ITGA6: variants seen among roughly 807,000 people sequenced by gnomAD.
The protein encoded by ITGA6 is integrin alpha-6.
ITGA6 carries 63 observed loss-of-function variants against 133.6 expected under a neutral mutation model. The ratio of observed to expected loss-of-function variants is 0.47; its 90% CI spans 0.38 to 0.58. ITGA6 has a LOEUF of 0.58. ITGA6 is among the 20% of genes least tolerant of loss of function. The probability of loss-of-function intolerance (pLI) is 0.00; values close to 1 mark genes in which losing one functional copy is unlikely to be tolerated. For synonymous variants in ITGA6, 434 were observed against 482.0 expected, an observed-to-expected ratio of 0.90 and a Z score of 1.30; for missense variants, 1,068 against 1,309.4, an observed-to-expected ratio of 0.82 and a Z score of 2.85.
intron 1 of ITGA6, among the ~76,000 whole-genome samples, chr2:172,433,771 C>T (rs1684205076): frequency 6.6e-6 from 1 of 152,128 alleles, no homozygotes; most frequent in Admixed American, 6.5e-5. Context: ...TTCCACTCTC[C>T]AGTTGAAAAG....
At chr2:172,430,150 A>G (rs1037871832) in intron 1 of ITGA6, among the ~76,000 whole-genome samples, 3 of 152,200 alleles carry the variant, frequency 2.0e-5, no homozygotes, top group African/African-American at 7.2e-5. Context: ...TTTATCTGTA[A>G]AATGGAGATA....
In ITGA6 at chr2:172,491,321, C is replaced by T. The variant is rs1197153183; in HGVS notation, c.2879C>T (p.Thr960Ile). Residue 960 changes from threonine to isoleucine, a missense_variant, in exon 22 of 26, where the codon ACA becomes ATA. This residue lies in a region of ITGA6 where 609 missense variants were observed against 707.2 expected (regional missense o/e 0.86). Coordinates refer to ENST00000684293, the MANE Select transcript of ITGA6 (RefSeq NM_000210.4). This position sits in a 1 kb window ranked among gnomAD's most constrained non-coding sequence, Gnocchi z 4.4. Reference protein sequence around the residue: ...LILRSRLWNSTFLEEYSKLNY... With the variant: ...LILRSRLWNSIFLEEYSKLNY... Reference sequence around the variant, plus strand: ...TTGCGCTCGAGGTTATGGAACAGCACATTTCTAGAGGTATGACCTTGGCTT... The same window carrying T: ...TTGCGCTCGAGGTTATGGAACAGCATATTTCTAGAGGTATGACCTTGGCTT... 4 of 1,606,052 alleles carry T rather than the reference C, an allele frequency of 2.5e-6. No individual in the cohort carries two copies. Among genetic ancestry groups the T allele is most frequent in the Non-Finnish European group, 8.5e-7 (1 of 1,172,700 alleles).
At chr2:172,452,638 C>G (rs1464275820) in intron 1 of ITGA6, among the ~76,000 whole-genome samples, 1 of 152,146 alleles carries the variant, frequency 6.6e-6, no homozygotes, top group Non-Finnish European at 1.5e-5. Context: ...TACCAACATT[C>G]AAAATTGCTA....
intron 1 of ITGA6, among the ~76,000 whole-genome samples, chr2:172,444,623 A>G (rs1417628550): frequency 8.1e-6 from 1 of 124,100 alleles, no homozygotes; most frequent in Non-Finnish European, 1.6e-5. Context: ...CCAAAAACCC[A>G]AAACACTTGT....
chr2:172,469,104 C>T lies in ITGA6; in HGVS notation c.388-21C>T, dbSNP rs753845762. The T allele has an allele frequency of 2.5e-6, 4 of 1,613,952 alleles. No individual in the cohort carries two copies. The East Asian group carries it at 8.9e-5, about 36-fold the overall frequency. On this transcript the variant is annotated intron_variant, in intron 3 of 25. Coordinates refer to ENST00000684293, the MANE Select transcript of ITGA6 (RefSeq NM_000210.4). ...AAGGTTTATAGACAAGAATGGGCTACTTTCTTCCATCTGCTTGCAGACATG... is the reference window on the plus strand; with the variant it reads ...AAGGTTTATAGACAAGAATGGGCTATTTTCTTCCATCTGCTTGCAGACATG...
intron 20 of ITGA6, chr2:172,490,822 C>T (rs1268362374): frequency 1.9e-6 from 1 of 531,618 alleles, no homozygotes; most frequent in Non-Finnish European, 3.4e-6. Context: ...TTACTTAGTC[C>T]TATGAGTAAA....
chr2:172,498,340 C>T (rs1334335216), intron 24 of ITGA6, among the ~76,000 whole-genome samples: 1 of 152,210 alleles, frequency 6.6e-6, no homozygotes, highest in Non-Finnish European at 1.5e-5. Context: ...GTCTCTCACA[C>T]ATAATTTAGC....
chr2:172,474,796 T>A (rs1686094397), intron 6 of ITGA6, 133 bp from the exon 7 acceptor site: 1 of 702,532 alleles, frequency 1.4e-6, no homozygotes, highest in South Asian at 1.5e-5. Context: ...TTTTAAAAAA[T>A]GTTATAATTG....
In ITGA6 at chr2:172,469,329, A is replaced by G. The variant is rs781049823; in HGVS notation, c.592A>G (p.Lys198Glu). Residue 198 changes from lysine (K) to glutamate (E), a missense_variant, in exon 4 of 26, where the codon AAA becomes GAA. Transcript: ENST00000684293. ...CQQGVAATFT[K>E]DFHYIVFGAP... ...GCAAGGTGTAGCAGCTACTTTTACT[A>G]AAGACTTTCATTACATTGTATTTGG... 1.9e-6 allele frequency: 3 copies of G among 1,614,072 alleles called. No homozygotes were observed. Among genetic ancestry groups the G allele is most frequent in the Non-Finnish European group, 2.5e-6 (3 of 1,179,948 alleles).
intron 1 of ITGA6, among the ~76,000 whole-genome samples, chr2:172,439,047 G>A (rs1684436422): frequency 6.6e-6 from 1 of 151,918 alleles, no homozygotes; most frequent in Non-Finnish European, 1.5e-5. Flanking sequence ...TGTGGAGAGA[G>A]CTCTTCCCAT....
At chr2:172,476,600 C>A (rs918267608) in intron 9 of ITGA6, 87 bp downstream of exon 9, 5 of 815,040 alleles carry the variant, frequency 6.1e-6, no homozygotes, top group Non-Finnish European at 1.1e-5. Flanking sequence ...ATTTGTCATA[C>A]CTATACTTCA....
chr2:172,473,022 C>T (rs1037455285), intron 5 of ITGA6: 7 of 629,376 alleles, frequency 1.1e-5, no homozygotes, highest in South Asian at 5.6e-5. Context: ...AAAAGCATGC[C>T]ATGGCTGGGG....
chr2:172,475,643 C>T lies in ITGA6; in HGVS notation c.1227C>T (p.Ile409=). The T allele has an allele frequency of 6.2e-7, 1 of 1,608,100 alleles. No individual in the cohort carries two copies. ...APYDDLGKVF[I]YHGSANGINT... Reference sequence around the variant, plus strand: ...ATGATGACTTGGGAAAGGTTTTTATCTATCATGGATCTGCAAATGGAATAA... The same window carrying T: ...ATGATGACTTGGGAAAGGTTTTTATTTATCATGGATCTGCAAATGGAATAA... Residue 409 remains isoleucine (I), a synonymous_variant, in exon 8 of 26, where the codon ATC becomes ATT. Coordinates refer to ENST00000684293, the MANE Select transcript of ITGA6 (RefSeq NM_000210.4).
chr2:172,495,875 G>C (rs550709653), intron 23 of ITGA6, among the ~76,000 whole-genome samples: 3 of 149,144 alleles, frequency 2.0e-5, no homozygotes, highest in Non-Finnish European at 4.5e-5. Flanking sequence ...ACTGTCAGCT[G>C]TTTTAAAGAC....
At chr2:172,490,819 G>A (rs968734231) in intron 20 of ITGA6, 3 of 524,342 alleles carry the variant, frequency 5.7e-6, no homozygotes, top group African/African-American at 3.8e-5. Flanking sequence ...GAATTACTTA[G>A]TCCTATGAGT....
Position 172,490,000 on chromosome 2 carries a change from G to A in ITGA6, c.2679+342G>A, listed in dbSNP as rs756754531. ...TGCTGTTATCCAGGGGCCAGCCAGT[G>A]TTCACTCCAAGTAGAACCAAACTCA... On this transcript the variant is annotated intron_variant, in intron 20 of 25. Transcript: ENST00000684293. 3.2e-4 allele frequency: 83 copies of A among 261,932 alleles called. 1 individual carries two copies. Among genetic ancestry groups the A allele is most frequent in the Non-Finnish European group, 5.7e-4 (77 of 134,716 alleles). The allele number at this position is 261,932 out of a possible 1,614,324, so 16.2% of individuals were successfully genotyped here.
intron 1 of ITGA6, among the ~76,000 whole-genome samples, chr2:172,448,854 G>A (rs1684873068): frequency 6.6e-6 from 1 of 152,158 alleles, no homozygotes; most frequent in Admixed American, 6.5e-5. Context: ...AAAAAAGCAG[G>A]ATCTGCTTCC....
Position 172,451,874 on chromosome 2 carries a change from G to A in ITGA6, c.183-13665G>A, listed in dbSNP as rs181587094. ...AGCTCCTGCAAACTCCTAATAATCCGAGGGACAGAGGGGAGTGGTGGTGTA... is the reference window on the plus strand; with the variant it reads ...AGCTCCTGCAAACTCCTAATAATCCAAGGGACAGAGGGGAGTGGTGGTGTA... On this transcript the variant is annotated intron_variant, in intron 1 of 25. Transcript: ENST00000684293. Among the ~76,000 whole-genome samples the A allele has an allele frequency of 1.3e-3, 199 of 152,116 alleles. 1 individual carries two copies. Among genetic ancestry groups the A allele is most frequent in the African/African-American group, 4.4e-3 (183 of 41,482 alleles).
rs760784399 is a variant in ITGA6, at chr2:172,474,998, T to C, written c.1056T>C (p.Tyr352=). ...ATGGAGAAGTTGGAGGTGCAGTGTA[T>C]GTCTACATGAACCAGCAAGGCAGAT... is the stretch of plus-strand genomic sequence containing the variant. ...DRDGEVGGAV[Y]VYMNQQGRWN... is the part of the protein sequence containing the mutation. The change falls in exon 7 of 26, where the codon TAT becomes TAC. Residue 352 remains tyrosine, a synonymous_variant. Coordinates refer to ENST00000684293, the MANE Select transcript of ITGA6 (RefSeq NM_000210.4). The C allele has an allele frequency of 2.5e-6, 4 of 1,584,690 alleles. No homozygotes were observed. The highest frequency in any genetic ancestry group is 3.3e-5 in the Admixed American group (2 of 59,994).
Sources: gnomAD v4.1 joint callset for allele counts (sites outside exome capture counted in the v4.1 genomes callset) on GRCh38, gnomAD v4.1.1 for gene constraint, gnomAD v4.1.1 regional missense constraint, Gnocchi (gnomAD v3.1) non-coding constraint, MANE v1.5 for transcripts, NCBI Gene and HGNC (gene_info 2026-07-23, HGNC 2026-07-21) for gene names.